MAF: variants seen among roughly 807,000 people sequenced by gnomAD.
MAF encodes transcription factor Maf.
In MAF, 10 loss-of-function variants were observed where a neutral mutation model predicts 22.0. The ratio of observed to expected loss-of-function variants is 0.45; its 90% CI spans 0.28 to 0.77. The LOEUF (loss-of-function observed/expected upper bound fraction) is 0.77, where lower values mean the gene tolerates loss of function less well. Among genes scored for constraint, MAF ranks in the 30% least tolerant of loss-of-function variants. The probability of loss-of-function intolerance (pLI) is 0.12; values close to 1 mark genes in which losing one functional copy is unlikely to be tolerated. For missense variants in MAF, 544 were observed against 548.4 expected (o/e 0.99, Z 0.08); for synonymous variants, 337 against 255.8 (o/e 1.32, Z -3.03).
chr16:79,351,194 T>G, the MAF span, among the ~76,000 whole-genome samples: 1 of 152,208 alleles, frequency 6.6e-6, no homozygotes, highest in Non-Finnish European at 1.5e-5. Context: ...AAAACTCTCT[T>G]GGCTTGTTTA....
the MAF span, among the ~76,000 whole-genome samples, chr16:79,297,079 A>G: frequency 6.6e-6 from 1 of 152,000 alleles, no homozygotes. Flanking sequence ...GTCGCTTCTT[A>G]CTCCCAACCA....
At chr16:79,549,360 G>A in the MAF span, among the ~76,000 whole-genome samples, 1 of 152,196 alleles carries the variant, frequency 6.6e-6, no homozygotes, top group Admixed American at 6.5e-5. Flanking sequence ...CCTAACATCA[G>A]CTCCACTCCA....
At chr16:79,578,818 G>A in the MAF span, among the ~76,000 whole-genome samples, 2 of 152,096 alleles carry the variant, frequency 1.3e-5, no homozygotes, top group East Asian at 3.9e-4. Flanking sequence ...CAGCAAAATG[G>A]GAAAATACCA....
the MAF span, among the ~76,000 whole-genome samples, chr16:79,358,375 C>A: frequency 6.6e-6 from 1 of 152,148 alleles, no homozygotes; most frequent in Non-Finnish European, 1.5e-5. Context: ...GGACAGGCAG[C>A]TTGACCCTTG....
At chr16:79,340,847 T>G in the MAF span, among the ~76,000 whole-genome samples, 1 of 152,074 alleles carries the variant, frequency 6.6e-6, no homozygotes, top group Non-Finnish European at 1.5e-5. Context: ...CCATCTTCCA[T>G]TGGGAACTAC....
chr16:79,292,400 C>CGAGA, the MAF span, among the ~76,000 whole-genome samples: 1 of 152,090 alleles, frequency 6.6e-6, no homozygotes, highest in Non-Finnish European at 1.5e-5. Context: ...AATTCTTTTC[C>CGAGA]GAGAGCCTGA....
chr16:79,438,628 G>A, the MAF span, among the ~76,000 whole-genome samples: 541 of 152,216 alleles, frequency 3.6e-3, 2 homozygotes, highest in Non-Finnish European at 4.4e-3. Flanking sequence ...AGGGGGCGGA[G>A]CTCAGAGAGG....
chr16:79,569,527 C>T, the MAF span, among the ~76,000 whole-genome samples: 1 of 152,106 alleles, frequency 6.6e-6, no homozygotes, highest in African/African-American at 2.4e-5. Flanking sequence ...CACCTGGAAA[C>T]AGGTTTGAAA....
At chr16:79,577,889 A>G in the MAF span, among the ~76,000 whole-genome samples, 13 of 151,866 alleles carry the variant, frequency 8.6e-5, no homozygotes, top group Admixed American at 1.3e-4. Flanking sequence ...CTTTTTCTAC[A>G]TTTTCCTCTT....
chr16:79,448,884 G>T, the MAF span, among the ~76,000 whole-genome samples: 1 of 152,176 alleles, frequency 6.6e-6, no homozygotes, highest in African/African-American at 2.4e-5. Context: ...ACCTTGGGGG[G>T]AGGCAGGGAT....
At chr16:79,551,851 C>T in the MAF span, among the ~76,000 whole-genome samples, 1 of 152,108 alleles carries the variant, frequency 6.6e-6, no homozygotes. Flanking sequence ...GCAACAGAGA[C>T]AGTATAGCCT....
At chr16:79,596,313 T>C (rs1913521233) in intron 1 of MAF, 9 of 1,059,608 alleles carry the variant, frequency 8.5e-6, no homozygotes, top group Non-Finnish European at 5.7e-6. Context: ...CTAATCAGTA[T>C]ATGGGGCCAG....
chr16:79,241,092 C>T, the MAF span, among the ~76,000 whole-genome samples: 21,418 of 151,956 alleles, frequency 0.14, 2,369 homozygotes, highest in African/African-American at 0.3. Flanking sequence ...GAGAAATCAG[C>T]GCAAAAAGGC....
the MAF span, among the ~76,000 whole-genome samples, chr16:79,248,514 C>A: frequency 5.3e-5 from 8 of 152,166 alleles, no homozygotes; most frequent in Non-Finnish European, 8.8e-5. Context: ...TTAATTCCCT[C>A]TGCAGAATTG....
At chr16:79,429,383 C>A in the MAF span, among the ~76,000 whole-genome samples, 25 of 152,178 alleles carry the variant, frequency 1.6e-4, no homozygotes, top group Non-Finnish European at 3.4e-4. Flanking sequence ...TGTGCCTCCT[C>A]TTTCTCTCTC....
the MAF span, among the ~76,000 whole-genome samples, chr16:79,421,080 TTAATA>T: frequency 6.6e-6 from 1 of 152,010 alleles, no homozygotes; most frequent in African/African-American, 2.4e-5. Flanking sequence ...TTACAATATA[TTAATA>T]TAACTGTTCT....
chr16:79,368,265 C>G, the MAF span, among the ~76,000 whole-genome samples: 1 of 152,116 alleles, frequency 6.6e-6, no homozygotes, highest in Non-Finnish European at 1.5e-5. Context: ...GAGCCACATC[C>G]CTGGCTCTTG....
chr16:79,311,086 C>A, the MAF span, among the ~76,000 whole-genome samples: 1 of 151,562 alleles, frequency 6.6e-6, no homozygotes, highest in African/African-American at 2.4e-5. Context: ...GGCCTCCCCT[C>A]TGTGGTGTCT....
the MAF span, among the ~76,000 whole-genome samples, chr16:79,393,489 G>T: frequency 6.6e-6 from 1 of 152,216 alleles, no homozygotes; most frequent in Non-Finnish European, 1.5e-5. Context: ...TAATGCAGAA[G>T]ACCACGGAGC....
Sources: gnomAD v4.1 joint callset for allele counts (sites outside exome capture counted in the v4.1 genomes callset) on GRCh38, gnomAD v4.1.1 for gene constraint, MANE v1.5 for transcripts, NCBI Gene and HGNC (gene_info 2026-07-23, HGNC 2026-07-21) for gene names.